The following ZFHX3 variants were observed in gnomAD, a reference collection of about 807,000 sequenced individuals.
ZFHX3 encodes the protein zinc finger homeobox protein 3.
A neutral mutation model predicts 279.1 loss-of-function variants in ZFHX3; 42 were observed. The observed-to-expected ratio is 0.15, with a 90% confidence interval of 0.12 to 0.19. The LOEUF is 0.19. Ranked by LOEUF, ZFHX3 falls within the 10% of genes least tolerant of loss-of-function variation. ZFHX3 has a pLI of 1.00. For synonymous variants in ZFHX3, 2,293 were observed against 1,957.8 expected, an observed-to-expected ratio of 1.17 and a Z score of -4.52; for missense variants, 4,981 against 4,754.0, an observed-to-expected ratio of 1.05 and a Z score of -1.40.
At chr16:73,801,581 G>T (rs888869946) in intron 1 of ZFHX3, among the ~76,000 whole-genome samples, 2 of 152,186 alleles carry the variant, frequency 1.3e-5, no homozygotes, top group Non-Finnish European at 2.9e-5. Flanking sequence ...TTAATTTTAG[G>T]CATATCACTT....
intron 5 of ZFHX3, among the ~76,000 whole-genome samples, chr16:72,825,978 G>A (rs531550760): frequency 1.3e-3 from 192 of 152,178 alleles, no homozygotes; most frequent in Middle Eastern, 0.01. Flanking sequence ...TTACGACTAC[G>A]GGCGTTCCTG....
intron 3 of ZFHX3, among the ~76,000 whole-genome samples, chr16:73,323,713 T>G (rs2015626190): frequency 6.6e-6 from 1 of 151,930 alleles, no homozygotes; most frequent in African/African-American, 2.4e-5. Context: ...AGCTAGAAAG[T>G]CAGGAAAAGG....
Position 73,424,176 on chromosome 16 carries a change from G to A in ZFHX3, c.-1291+31827C>T, listed in dbSNP as rs140767010. Among the ~76,000 whole-genome samples the A allele has an allele frequency of 1.6e-3, 237 of 152,208 alleles. 2 individuals carry two copies. The highest frequency in any genetic ancestry group is 5.2e-3 in the African/African-American group (214 of 41,532). ...AACAGATTCTTACTACTTTCACCCC[G>A]AAAGCATACTGACCAATAGAAAGGC... On this transcript the variant is annotated intron_variant, in intron 3 of 17. Transcript: ENST00000641206.
chr16:73,542,735 G>A (rs2020040754), intron 2 of ZFHX3, among the ~76,000 whole-genome samples: 2 of 152,044 alleles, frequency 1.3e-5, no homozygotes, highest in South Asian at 4.2e-4. Context: ...ATTTTTTTAG[G>A]TATAAATATG....
chr16:73,255,499 G>A (rs2013636883), intron 5 of ZFHX3, among the ~76,000 whole-genome samples: 2 of 152,154 alleles, frequency 1.3e-5, no homozygotes, highest in Admixed American at 1.3e-4. Flanking sequence ...TTTGGGAGAA[G>A]AGTTTTATAT....
intron 3 of ZFHX3, among the ~76,000 whole-genome samples, chr16:73,321,193 G>A (rs1417375918): frequency 1.3e-5 from 2 of 152,158 alleles, no homozygotes; most frequent in Non-Finnish European, 2.9e-5. Flanking sequence ...ATAGAACATT[G>A]CTCTCTAAAA....
chr16:73,111,574 T>C (rs1183943743), intron 7 of ZFHX3, among the ~76,000 whole-genome samples: 4 of 151,152 alleles, frequency 2.6e-5, no homozygotes, highest in African/African-American at 7.3e-5. Context: ...AGATTCCATA[T>C]TCTCTGTGAG....
rs1169166147 is a variant in ZFHX3, at chr16:72,959,782, C to T, written c.364G>A (p.Glu122Lys). 3.7e-6 allele frequency: 6 copies of T among 1,602,692 alleles called. No homozygotes were observed. Among genetic ancestry groups the T allele is most frequent in the African/African-American group, 2.7e-5 (2 of 74,804 alleles). ...GCCAGGTTCTCCACGTCACTCTCCT[C>T]GTCCCCCTCCTCACCGGTGTCGCTG... is the stretch of plus-strand genomic sequence containing the variant. ...SASDTGEEGDEESDVENLAGE... is the reference protein window; with the variant it reads ...SASDTGEEGDKESDVENLAGE... Residue 122 changes from glutamate to lysine, a missense_variant, in exon 2 of 10, where the codon GAG (glutamate) becomes AAG (lysine). This residue lies in a region of ZFHX3 where 1,068 missense variants were observed against 935.2 expected (regional missense o/e 1.14). Coordinates refer to ENST00000268489, the MANE Select transcript of ZFHX3 (RefSeq NM_006885.4).
At chr16:72,994,918 G>A (rs1373188832) in intron 1 of ZFHX3, among the ~76,000 whole-genome samples, 1 of 152,168 alleles carries the variant, frequency 6.6e-6, no homozygotes, top group African/African-American at 2.4e-5. Flanking sequence ...CAATATTCCG[G>A]AACCCCTGTT....
intron 2 of ZFHX3, among the ~76,000 whole-genome samples, chr16:72,955,836 G>A (rs970373349): frequency 1.6e-4 from 24 of 148,226 alleles, no homozygotes; most frequent in Admixed American, 1.1e-3. Flanking sequence ...ACGTTCCCAC[G>A]TTCTGTCTTC....
chr16:73,015,071 G>T (rs1261242825), intron 1 of ZFHX3: 1 of 132,404 alleles, frequency 7.6e-6, no homozygotes, highest in Non-Finnish European at 1.6e-5. Flanking sequence ...TTTTGAGATA[G>T]GGTCTCACTC....
At chr16:73,351,374 G>A (rs2016238220) in intron 3 of ZFHX3, among the ~76,000 whole-genome samples, 1 of 152,192 alleles carries the variant, frequency 6.6e-6, no homozygotes, top group South Asian at 2.1e-4. Context: ...ATTTTCAACA[G>A]GCCGTATTGG....
intron 2 of ZFHX3, among the ~76,000 whole-genome samples, chr16:73,562,595 C>CAAA (rs35887424): frequency 0.087 from 8,847 of 102,146 alleles, 463 homozygotes; most frequent in Admixed American, 0.15. Context: ...GACTCCGTCT[C>CAAA]AAAAAAAAAA....
chr16:73,705,445 G>C (rs1040092649), intron 1 of ZFHX3, among the ~76,000 whole-genome samples: 1 of 152,204 alleles, frequency 6.6e-6, no homozygotes, highest in African/African-American at 2.4e-5. Context: ...CCTTGGGCCA[G>C]TATACTCTGA....
At chr16:73,634,183 G>C (rs1283630676) in intron 2 of ZFHX3, among the ~76,000 whole-genome samples, 2 of 151,648 alleles carry the variant, frequency 1.3e-5, no homozygotes, top group Non-Finnish European at 2.9e-5. Context: ...CTGTAAAAAG[G>C]AGATGTATAT....
intron 2 of ZFHX3, among the ~76,000 whole-genome samples, chr16:73,514,776 G>A (rs1470760056): frequency 6.6e-6 from 1 of 152,264 alleles, no homozygotes; most frequent in East Asian, 1.9e-4. Flanking sequence ...AGTCCAAGGA[G>A]GAAGGCTGGT....
At chr16:73,661,094 T>C (rs901043191) in intron 2 of ZFHX3, among the ~76,000 whole-genome samples, 1 of 152,212 alleles carries the variant, frequency 6.6e-6, no homozygotes, top group African/African-American at 2.4e-5. Context: ...CATTTAACAT[T>C]TTCTTAAACT....
intron 1 of ZFHX3, among the ~76,000 whole-genome samples, chr16:73,851,215 A>G (rs1403782512): frequency 1.3e-5 from 2 of 152,148 alleles, no homozygotes; most frequent in Non-Finnish European, 1.5e-5. Flanking sequence ...GTACCTAGGT[A>G]ACAAAGCCTT....
intron 2 of ZFHX3, among the ~76,000 whole-genome samples, chr16:73,518,430 G>A (rs531435834): frequency 3.9e-5 from 6 of 152,268 alleles, no homozygotes; most frequent in South Asian, 2.1e-4. Flanking sequence ...CAGATTCTGG[G>A]AAGTCACCTT....
Sources: gnomAD v4.1 joint callset for allele counts (sites outside exome capture counted in the v4.1 genomes callset) on GRCh38, gnomAD v4.1.1 for gene constraint, gnomAD v4.1.1 regional missense constraint, MANE v1.5 for transcripts, NCBI Gene and HGNC (gene_info 2026-07-23, HGNC 2026-07-21) for gene names.